PRPSAP2: variants seen among roughly 807,000 people sequenced by gnomAD.
PRPSAP2 encodes the protein phosphoribosyl pyrophosphate synthase-associated protein 2.
A neutral mutation model predicts 40.6 loss-of-function variants in PRPSAP2; 24 were observed. That is an observed-to-expected ratio of 0.59 (90% CI 0.43 to 0.83). The LOEUF (loss-of-function observed/expected upper bound fraction) is 0.83. Among genes scored for constraint, PRPSAP2 ranks in the 40% least tolerant of loss-of-function variants. The pLI is 0.00. For missense variants in PRPSAP2, 292 were observed against 465.6 expected, an observed-to-expected ratio of 0.63 and a Z score of 3.43; for synonymous variants, 149 against 164.7, an observed-to-expected ratio of 0.90 and a Z score of 0.73.
chr17:18,875,629 C>T (rs551571361), intron 5 of PRPSAP2, among the ~76,000 whole-genome samples: 4 of 150,638 alleles, frequency 2.7e-5, no homozygotes, highest in East Asian at 2.0e-4. Context: ...TTTGGGAGGC[C>T]GAGGCGGGCA....
At chr17:18,890,155 A>G (rs1013472964) in intron 8 of PRPSAP2, among the ~76,000 whole-genome samples, 3 of 149,690 alleles carry the variant, frequency 2.0e-5, no homozygotes, top group Admixed American at 2.0e-4. Context: ...TATTATTATT[A>G]TTATTTATTT....
chr17:18,882,792 A>C, intron 7 of PRPSAP2, 109 bp downstream of exon 7: 1 of 714,720 alleles, frequency 1.4e-6, no homozygotes, highest in South Asian at 1.8e-5. Flanking sequence ...TATTGTACTT[A>C]AAGTACCATT....
At chr17:18,894,669 G>C (rs1015156115) in intron 8 of PRPSAP2, among the ~76,000 whole-genome samples, 8 of 151,940 alleles carry the variant, frequency 5.3e-5, no homozygotes, top group Admixed American at 4.6e-4. Context: ...ATTTTTAGTA[G>C]AGATGGGGTT....
rs146823534 is a variant in PRPSAP2 at position 18,892,512 on chromosome 17, A to G, written c.584+2635A>G. Among the ~76,000 whole-genome samples the G allele has an allele frequency of 2.4e-4, 37 of 151,872 alleles. No homozygotes were observed. In the East Asian group the frequency reaches 6.2e-3, roughly 25 times the overall value. On this transcript the variant is annotated intron_variant, in intron 8 of 11. Coordinates refer to ENST00000268835, the MANE Select transcript of PRPSAP2 (RefSeq NM_002767.4). ...ACTTAATTCTCTGAGTTTTTTCATT[A>G]TAATCATCCTAGTGGGTGTGAAATT...
rs1055818276 is a variant in PRPSAP2, at chr17:18,908,884, C to T, written c.585-2219C>T. 7 of 516,940 alleles carry T rather than the reference C, an allele frequency of 1.4e-5. No individual in the cohort carries two copies. The African/African-American group carries it at 1.4e-4, about 10-fold the overall frequency. The allele number at this position is 516,940 out of a possible 1,614,324, so 32.0% of individuals were successfully genotyped here. On this transcript the variant is annotated intron_variant, in intron 8 of 11. Coordinates refer to ENST00000268835, the MANE Select transcript of PRPSAP2 (RefSeq NM_002767.4). Reference sequence around the variant, plus strand: ...GCAATAAATCATCTTATTTTATTTCCTTTTCCTCCCTTTCCTTTCCTTTTC... The same window carrying T: ...GCAATAAATCATCTTATTTTATTTCTTTTTCCTCCCTTTCCTTTCCTTTTC...
intron 1 of PRPSAP2, among the ~76,000 whole-genome samples, chr17:18,859,031 A>T (rs539420810): frequency 3.8e-4 from 58 of 152,244 alleles, no homozygotes; most frequent in African/African-American, 1.4e-3. Context: ...AGTCATTCAT[A>T]GATACTTTTG....
rs775079199 is a variant in PRPSAP2, at chr17:18,885,403, CAAAAAAAAA to C, written c.528+2738_528+2746del. Among the ~76,000 whole-genome samples the C allele has an allele frequency of 3.6e-4, 4 of 10,994 alleles. 1 individual carries two copies. The highest frequency in any genetic ancestry group is 8.9e-4 in the Admixed American group (1 of 1,118). 7.2% of individuals were successfully genotyped at this position (10,994 alleles called of 152,430 possible). Reference sequence around the variant, plus strand: ...GGCGACAGAGTGAGATTCCTTCTCACAAAAAAAAAAAAAAAAAAAAAAAAAATTAATATG... The same window carrying C: ...GGCGACAGAGTGAGATTCCTTCTCACAAAAAAAAAAAAAAAAATTAATATG... On this transcript the variant is annotated intron_variant, in intron 7 of 11. Coordinates refer to ENST00000268835, the MANE Select transcript of PRPSAP2 (RefSeq NM_002767.4).
intron 8 of PRPSAP2, among the ~76,000 whole-genome samples, chr17:18,895,447 T>C (rs919401609): frequency 6.6e-6 from 1 of 151,884 alleles, no homozygotes; most frequent in African/African-American, 2.4e-5. Context: ...TTTTTAGACA[T>C]TGTTTTCTTT....
At chr17:18,916,958 A>G (rs905194795) in intron 9 of PRPSAP2, among the ~76,000 whole-genome samples, 5 of 152,172 alleles carry the variant, frequency 3.3e-5, no homozygotes, top group East Asian at 1.9e-4. Context: ...CCAACATAGC[A>G]TTTTGAGAGG....
intron 7 of PRPSAP2, among the ~76,000 whole-genome samples, chr17:18,886,520 G>A (rs2091401862): frequency 6.6e-6 from 1 of 152,038 alleles, no homozygotes; most frequent in Admixed American, 6.6e-5. Context: ...ACCACGCCTG[G>A]CTAATTTTTT....
intron 6 of PRPSAP2, among the ~76,000 whole-genome samples, chr17:18,881,213 G>T: frequency 6.6e-6 from 1 of 151,332 alleles, no homozygotes; most frequent in Non-Finnish European, 1.5e-5. Flanking sequence ...TACAAGTGCT[G>T]AGTTTTTTTG....
At chr17:18,913,342 G>T (rs2041078501) in intron 9 of PRPSAP2, among the ~76,000 whole-genome samples, 1 of 152,104 alleles carries the variant, frequency 6.6e-6, no homozygotes, top group South Asian at 2.1e-4. Context: ...CAGAGGGGTG[G>T]CCCGAGCTAT....
At chr17:18,877,007 G>A (rs1164291591) in intron 5 of PRPSAP2, among the ~76,000 whole-genome samples, 3 of 152,140 alleles carry the variant, frequency 2.0e-5, no homozygotes, top group African/African-American at 4.8e-5. Flanking sequence ...CCCAAAGGAC[G>A]AGAGGGAACA....
chr17:18,928,643 G>C lies in PRPSAP2; in HGVS notation c.805-168G>C, dbSNP rs1055968810. On this transcript the variant is annotated intron_variant, in intron 10 of 11. Transcript: ENST00000268835. ...GCTCGTGTGAAAGTACTGGAGGGCT[G>C]CCATGGGGCACGGTGATGGGGACAT... 12 of 786,630 alleles carry C rather than the reference G, an allele frequency of 1.5e-5. No individual in the cohort carries two copies. In the African/African-American group the frequency reaches 1.7e-4, roughly 11 times the overall value. 48.7% of individuals were successfully genotyped at this position (786,630 alleles called of 1,614,324 possible).
chr17:18,866,290 C>T (rs961623624), intron 3 of PRPSAP2, among the ~76,000 whole-genome samples: 5 of 152,004 alleles, frequency 3.3e-5, no homozygotes, highest in South Asian at 2.1e-4. Flanking sequence ...TGGGGCCAGG[C>T]GCGGTGGCTC....
At position 18,911,495 on chromosome 17, in the gene PRPSAP2, A is replaced by G. The variant is rs1597714579; in HGVS notation, c.733+244A>G. On this transcript the variant is annotated intron_variant, in intron 9 of 11. Coordinates refer to ENST00000268835, the MANE Select transcript of PRPSAP2 (RefSeq NM_002767.4). This position sits in a 1 kb window ranked among gnomAD's most constrained non-coding sequence, Gnocchi z 4.5. ...TGTTTGGACTATTGAGACAGTTGCA[A>G]TGCTTCAGGGAAGTCCATTCATTCA... Among the ~76,000 whole-genome samples, 3 of 152,236 alleles carry G rather than the reference A, an allele frequency of 2.0e-5. No homozygotes were observed. The East Asian group carries it at 5.8e-4, about 29-fold the overall frequency.
At chr17:18,900,640 T>G (rs1175591331) in intron 8 of PRPSAP2, among the ~76,000 whole-genome samples, 1 of 152,168 alleles carries the variant, frequency 6.6e-6, no homozygotes, top group African/African-American at 2.4e-5. Context: ...CTCAGGACTC[T>G]GGCAGGGAAA....
chr17:18,876,311 TG>T, intron 5 of PRPSAP2, among the ~76,000 whole-genome samples: 1 of 152,328 alleles, frequency 6.6e-6, no homozygotes, highest in Admixed American at 6.5e-5. Flanking sequence ...AGTTCAGTAA[TG>T]GAAAGCCTTG....
At chr17:18,898,905 T>C (rs1298131002) in intron 8 of PRPSAP2, among the ~76,000 whole-genome samples, 1 of 151,964 alleles carries the variant, frequency 6.6e-6, no homozygotes, top group African/African-American at 2.4e-5. Flanking sequence ...GTTTGTTTGT[T>C]TGTTTGTTTG....
Sources: gnomAD v4.1 joint callset for allele counts (sites outside exome capture counted in the v4.1 genomes callset) on GRCh38, gnomAD v4.1.1 for gene constraint, Gnocchi (gnomAD v3.1) non-coding constraint, MANE v1.5 for transcripts, NCBI Gene and HGNC (gene_info 2026-07-23, HGNC 2026-07-21) for gene names.